The following PCK1 variants were observed in gnomAD, a reference collection of about 807,000 sequenced individuals.
PCK1 encodes phosphoenolpyruvate carboxykinase, cytosolic [GTP].
PCK1 carries 44 observed loss-of-function variants against 50.3 expected under a neutral mutation model. The observed-to-expected ratio is 0.87, with a 90% confidence interval of 0.69 to 1.12. PCK1 has a LOEUF of 1.12. PCK1 is among the 50% of genes most tolerant of loss of function. The pLI is 0.00. For missense variants in PCK1, 790 were observed against 815.0 expected (o/e 0.97, Z 0.37); for synonymous variants, 332 against 314.3 (o/e 1.06, Z -0.59).
At position 57,562,885 on chromosome 20, in the gene PCK1, CT is replaced by C. The variant is rs1477567737; in HGVS notation, c.597del (p.Leu200CysfsTer17). On this transcript the variant is annotated frameshift_variant, in exon 4 of 10. Transcript: ENST00000319441. LOFTEE classifies it high-confidence loss of function. ...AAATGCCTCCATTCTGTGGGGTGCC[CT>C]CTGCCTTTACAAAGTAAGTGTATTA... ...FVKCLHSVGC[P>X]LPLQKPLVNN... is the part of the protein sequence containing the mutation. 6 of 1,610,326 alleles carry C rather than the reference CT, an allele frequency of 3.7e-6. No homozygotes were observed. The highest frequency in any genetic ancestry group is 5.1e-6 in the Non-Finnish European group (6 of 1,176,666).
chr20:57,562,822 CG>C lies in PCK1; in HGVS notation c.534del (p.Val180SerfsTer37). 1 of 1,613,800 alleles carries C rather than the reference CG, an allele frequency of 6.2e-7. No homozygotes were observed. On this transcript the variant is annotated frameshift_variant, in exon 4 of 10. Coordinates refer to ENST00000319441, the MANE Select transcript of PCK1 (RefSeq NM_002591.4). LOFTEE classifies it high-confidence loss of function. ...ATGCGGATCATGACGCGGATGGGCA[CG>C]CCCGTCCTGGAAGCAGTGGGCGATG... ...ASMRIMTRMG[T>X]PVLEAVGDGE...
chr20:57,563,165 A>T lies in PCK1; in HGVS notation c.748A>T (p.Met250Leu), dbSNP rs1568908939. The change falls in exon 5 of 10, where the codon ATG becomes TTG. Residue 250 changes from methionine (M) to leucine (L), a missense_variant. Transcript: ENST00000319441. ...CGGGAAGAAGTGCTTTGCTCTCAGG[A>T]TGGCCAGCCGGCTGGCCAAGGAGGA... ...LLGKKCFALR[M>L]ASRLAKEEGW... 1 of 1,613,710 alleles carries T rather than the reference A, an allele frequency of 6.2e-7. No individual in the cohort carries two copies. Among genetic ancestry groups the T allele is most frequent in the Non-Finnish European group, 8.5e-7 (1 of 1,180,020 alleles).
At chr20:57,562,025 C>G (rs879113900) in intron 2 of PCK1, 46 bp from the exon 3 acceptor site, 1 of 1,556,826 alleles carries the variant, frequency 6.4e-7, no homozygotes. Flanking sequence ...GGAGATGGTT[C>G]GCTGCCCGTG....
intron 7 of PCK1, 28 bp from the exon 8 acceptor site, chr20:57,564,454 C>A: frequency 6.2e-7 from 1 of 1,614,182 alleles, no homozygotes; most frequent in Non-Finnish European, 8.5e-7. Context: ...TTGAGCCAGG[C>A]ACTCACGAGC....
rs1301392322 is a variant in PCK1 at position 57,562,086 on chromosome 20, T to C, written c.240T>C (p.Thr80=). The C allele has an allele frequency of 1.2e-6, 2 of 1,613,614 alleles. No homozygotes were observed. The highest frequency in any genetic ancestry group is 2.7e-5 in the African/African-American group (2 of 74,916). ...KKYDNCWLAL[T]DPRDVARIES... ...ATTTTTGCAGCTGGTTGGCTCTCAC[T>C]GACCCCAGGGATGTGGCCAGGATCG... The change falls in exon 3 of 10, where the codon ACT becomes ACC. Residue 80 remains threonine, a synonymous_variant. Transcript: ENST00000319441.
Position 57,564,535 on chromosome 20 carries a change from C to T in PCK1, c.1240C>T (p.Pro414Ser). The T allele has an allele frequency of 6.2e-7, 1 of 1,613,994 alleles. No homozygotes were observed. Among genetic ancestry groups the T allele is most frequent in the Admixed American group, 1.7e-5 (1 of 60,022 alleles). The change falls in exon 8 of 10, where the codon CCC becomes TCC. Residue 414 changes from proline (P) to serine (S), a missense_variant. Coordinates refer to ENST00000319441, the MANE Select transcript of PCK1 (RefSeq NM_002591.4). ...SRFCTPASQC[P>S]IIDAAWESPE... is the part of the protein sequence containing the mutation. Reference sequence around the variant, plus strand: ...GTTCTGCACCCCTGCCAGCCAGTGCCCCATCATTGATGCTGCCTGGGAGTC... The same window carrying T: ...GTTCTGCACCCCTGCCAGCCAGTGCTCCATCATTGATGCTGCCTGGGAGTC...
At chr20:57,561,885 T>C (rs1003725181) in intron 2 of PCK1, 186 bp from the exon 3 acceptor site, 3 of 618,094 alleles carry the variant, frequency 4.9e-6, no homozygotes, top group Non-Finnish European at 8.5e-6. Context: ...GCAGCCCCTC[T>C]CCTACAGACC....
rs776114811 is a variant in PCK1, at chr20:57,565,810, G to C, written c.*6G>C. On this transcript the variant is annotated 3_prime_UTR_variant, in exon 10 of 10. Coordinates refer to ENST00000319441, the MANE Select transcript of PCK1 (RefSeq NM_002591.4). ...AAAGAATAAGCCAGATGTAATCAGG[G>C]CCTGAGTGCTTTACCTTTAAAATCA... is the stretch of plus-strand genomic sequence containing the variant. 10 of 1,587,426 alleles carry C rather than the reference G, an allele frequency of 6.3e-6. No individual in the cohort carries two copies. The African/African-American group carries it at 1.2e-4, about 19-fold the overall frequency.
rs781184365 is a variant in PCK1, at chr20:57,565,762, G to A, written c.1827G>A (p.Glu609=). ...QVNADLPCEI[E]REILALKQRI... is the part of the protein sequence containing the mutation. ...ATGCCGACCTCCCCTGTGAAATCGAGAGAGAGATCCTTGCCTTGAAGCAAA... is the reference window on the plus strand; with the variant it reads ...ATGCCGACCTCCCCTGTGAAATCGAAAGAGAGATCCTTGCCTTGAAGCAAA... Residue 609 remains glutamate, a synonymous_variant, in exon 10 of 10, where the codon GAG becomes GAA. Coordinates refer to ENST00000319441, the MANE Select transcript of PCK1 (RefSeq NM_002591.4). 3.1e-6 allele frequency: 5 copies of A among 1,613,238 alleles called. No individual in the cohort carries two copies. Among genetic ancestry groups the A allele is most frequent in the Non-Finnish European group, 4.2e-6 (5 of 1,179,768 alleles).
chr20:57,563,477 G>C, intron 5 of PCK1, 88 bp from the exon 6 acceptor site: 1 of 858,692 alleles, frequency 1.2e-6, no homozygotes. Context: ...AATAGATCTT[G>C]AGGGCCTACA....
chr20:57,563,213 C>A lies in PCK1; in HGVS notation c.796C>A (p.Leu266Met). The A allele has an allele frequency of 6.2e-7, 1 of 1,613,032 alleles. No homozygotes were observed. Among genetic ancestry groups the A allele is most frequent in the Non-Finnish European group, 8.5e-7 (1 of 1,179,794 alleles). ...KEEGWLAEHM[L>M]ILGITNPEGE... ...GGAAGGGTGGCTGGCAGAGCACATG[C>A]TGGTGAGCCTGCAGGAAGCCCTGAT... Residue 266 changes from leucine (L) to methionine (M), a missense_variant and splice_region_variant, in exon 5 of 10, where the codon CTG becomes ATG. Leu to Met is a conservative substitution (Grantham distance 15). Coordinates refer to ENST00000319441, the MANE Select transcript of PCK1 (RefSeq NM_002591.4).
chr20:57,565,171 T>G, intron 9 of PCK1, 36 bp downstream of exon 9: 1 of 1,513,134 alleles, frequency 6.6e-7, no homozygotes, highest in African/African-American at 1.4e-5. Flanking sequence ...CACAGAGAAG[T>G]GGGATTAGAG....
intron 1 of PCK1, 82 bp from the exon 2 acceptor site, chr20:57,561,290 C>A: frequency 1.5e-6 from 1 of 671,594 alleles, no homozygotes; most frequent in Non-Finnish European, 2.6e-6. Context: ...TGGCAATGCA[C>A]AGCCCTGGCA....
intron 3 of PCK1, 81 bp from the exon 4 acceptor site, chr20:57,562,615 G>A: frequency 8.4e-7 from 1 of 1,191,322 alleles, no homozygotes; most frequent in Non-Finnish European, 1.2e-6. Flanking sequence ...CGTGAAAATG[G>A]GTCTACCTGG....
chr20:57,565,313 G>A, intron 9 of PCK1, 37 bp from the exon 10 acceptor site: 11 of 1,543,324 alleles, frequency 7.1e-6, no homozygotes, highest in Non-Finnish European at 9.8e-6. Context: ...GCCTAGGAGA[G>A]CCTCATTTAC....
At chr20:57,562,638 G>A (rs1303247629) in intron 3 of PCK1, 58 bp from the exon 4 acceptor site, 1 of 1,437,770 alleles carries the variant, frequency 7.0e-7, no homozygotes, top group Admixed American at 1.7e-5. Context: ...AAAAAATGCT[G>A]GTCGTGTTCG....
intron 5 of PCK1, 94 bp downstream of exon 5, chr20:57,563,309 C>T (rs2070170184): frequency 8.5e-7 from 1 of 1,179,596 alleles, no homozygotes; most frequent in African/African-American, 1.5e-5. Flanking sequence ...GCACACCTCT[C>T]TGAGCGTGCA....
rs1353779541 is a variant in PCK1, at chr20:57,564,326, T to C, written c.1119T>C (p.Ile373=). 1 of 1,614,102 alleles carries C rather than the reference T, an allele frequency of 6.2e-7. No homozygotes were observed. The change falls in exon 7 of 10, where the codon ATT becomes ATC. Residue 373 remains isoleucine (I), a synonymous_variant. Transcript: ENST00000319441. ...TSDGGVYWEG[I]DEPLASGVTI... is the part of the protein sequence containing the mutation. ...ACGGGGGCGTTTACTGGGAAGGCATTGATGAGCCGCTAGCTTCAGGTGTCA... is the reference window on the plus strand; with the variant it reads ...ACGGGGGCGTTTACTGGGAAGGCATCGATGAGCCGCTAGCTTCAGGTGTCA...
rs530695277 is a variant in PCK1 at position 57,562,772 on chromosome 20, G to A, written c.483G>A (p.Thr161=). The A allele has an allele frequency of 1.2e-5, 19 of 1,613,984 alleles. No homozygotes were observed. The highest frequency in any genetic ancestry group is 8.0e-5 in the African/African-American group (6 of 75,064). Residue 161 remains threonine, a synonymous_variant, in exon 4 of 10, where the codon ACG becomes ACA. Coordinates refer to ENST00000319441, the MANE Select transcript of PCK1 (RefSeq NM_002591.4). ...TGTCAAAGATCGGCATCGAGCTGAC[G>A]GATTCACCCTACGTGGTGGCCAGCA... ...SPLSKIGIEL[T]DSPYVVASMR...
Sources: gnomAD v4.1 joint callset for allele counts on GRCh38, gnomAD v4.1.1 for gene constraint, MANE v1.5 for transcripts, NCBI Gene and HGNC (gene_info 2026-07-23, HGNC 2026-07-21) for gene names.